Variants in PIBF1 observed in about 807,000 individuals in gnomAD.
PIBF1 encodes progesterone-induced-blocking factor 1.
PIBF1 carries 90 observed loss-of-function variants against 112.5 expected under a neutral mutation model. That is an observed-to-expected ratio of 0.80 (90% CI 0.67 to 0.95). The LOEUF (loss-of-function observed/expected upper bound fraction) is 0.95, where lower values mean the gene tolerates loss of function less well. PIBF1 is among the 40% of genes least tolerant of loss of function. The pLI is 0.00. For missense variants in PIBF1, 915 were observed against 852.3 expected, an observed-to-expected ratio of 1.07 and a Z score of -0.92; for synonymous variants, 301 against 288.6, an observed-to-expected ratio of 1.04 and a Z score of -0.44.
intron 10 of PIBF1, among the ~76,000 whole-genome samples, chr13:72,889,330 C>T (rs531093551): frequency 8.5e-5 from 13 of 152,130 alleles, no homozygotes; most frequent in Non-Finnish European, 1.9e-4. Context: ...CTTTGTTTCA[C>T]AGTTCTTTCA....
intron 10 of PIBF1, among the ~76,000 whole-genome samples, chr13:72,889,244 C>T (rs1212883965): frequency 6.6e-6 from 1 of 152,158 alleles, no homozygotes; most frequent in Non-Finnish European, 1.5e-5. Flanking sequence ...GACACATCAG[C>T]TTCTGTCCTT....
At chr13:72,824,180 A>AT (rs10630564) in intron 6 of PIBF1, among the ~76,000 whole-genome samples, 104,581 of 141,754 alleles carry the variant, frequency 0.74, 38,531 homozygotes, top group South Asian at 0.84. Flanking sequence ...TGCCCAGCTA[A>AT]TTTTTTTTTT....
At chr13:72,944,115 C>T (rs1460288565) in intron 14 of PIBF1, among the ~76,000 whole-genome samples, 1 of 151,828 alleles carries the variant, frequency 6.6e-6, no homozygotes, top group Non-Finnish European at 1.5e-5. Flanking sequence ...AATAATAGGT[C>T]CAGAATTGGA....
intron 13 of PIBF1, among the ~76,000 whole-genome samples, chr13:72,920,948 A>G (rs113528863): frequency 4.6e-4 from 70 of 152,300 alleles, no homozygotes; most frequent in African/African-American, 1.6e-3. Flanking sequence ...AAAGGAACCT[A>G]TTTTCCAACT....
At chr13:72,794,559 C>G (rs112797850) in intron 3 of PIBF1, among the ~76,000 whole-genome samples, 1 of 152,076 alleles carries the variant, frequency 6.6e-6, no homozygotes, top group Non-Finnish European at 1.5e-5. Flanking sequence ...TGGGAGGTAA[C>G]TGAATCATGG....
intron 15 of PIBF1, among the ~76,000 whole-genome samples, chr13:72,967,715 CAGGGTTTGCTATT>C (rs2042779841): frequency 6.6e-6 from 1 of 151,970 alleles, no homozygotes; most frequent in East Asian, 1.9e-4. Context: ...ATAGATATAT[CAGGGTTTGCTATT>C]ACATATTTTC....
chr13:72,798,442 T>A (rs1334462753), intron 5 of PIBF1, among the ~76,000 whole-genome samples: 1 of 152,210 alleles, frequency 6.6e-6, no homozygotes, highest in Non-Finnish European at 1.5e-5. Context: ...AGGGGATCTC[T>A]TGCAGGTGCC....
chr13:72,986,284 G>T (rs941846996), intron 16 of PIBF1, among the ~76,000 whole-genome samples: 2 of 152,182 alleles, frequency 1.3e-5, no homozygotes, highest in Non-Finnish European at 2.9e-5. Flanking sequence ...CACAAAGCCA[G>T]GCATCAAGAA....
At position 72,802,616 on chromosome 13, in the gene PIBF1, ATAGG is replaced by A. The variant is rs1300864652; in HGVS notation, c.672+4596_672+4599del. On this transcript the variant is annotated intron_variant, in intron 5 of 17. Coordinates refer to ENST00000326291, the MANE Select transcript of PIBF1 (RefSeq NM_006346.4). ...AAGGATAGATTTCTGTTCAGCTGAGATAGGTAGGTTGTGAATGAGGCCGACTTGA... is the reference window on the plus strand; with the variant it reads ...AAGGATAGATTTCTGTTCAGCTGAGATAGGTTGTGAATGAGGCCGACTTGA... Among the ~76,000 whole-genome samples, 6 of 152,312 alleles carry A rather than the reference ATAGG, an allele frequency of 3.9e-5. No homozygotes were observed. The East Asian group carries it at 9.6e-4, about 24-fold the overall frequency.
intron 5 of PIBF1, among the ~76,000 whole-genome samples, chr13:72,811,942 A>G (rs1309306716): frequency 6.6e-6 from 1 of 152,234 alleles, no homozygotes; most frequent in Non-Finnish European, 1.5e-5. Flanking sequence ...TACATGCTGT[A>G]TGAAGAGACA....
At chr13:72,793,591 T>C (rs2035043380) in intron 3 of PIBF1, among the ~76,000 whole-genome samples, 1 of 152,236 alleles carries the variant, frequency 6.6e-6, no homozygotes. Flanking sequence ...ATGCTAATTC[T>C]GTAAGACATA....
intron 9 of PIBF1, among the ~76,000 whole-genome samples, chr13:72,842,608 A>G (rs2037663599): frequency 6.6e-6 from 1 of 152,200 alleles, no homozygotes; most frequent in African/African-American, 2.4e-5. Flanking sequence ...GAGTATATGT[A>G]TTGTATTACA....
In PIBF1 at chr13:72,998,841, A is replaced by G. The variant is rs775286371; in HGVS notation, c.2069A>G (p.Gln690Arg). 2 of 1,611,640 alleles carry G rather than the reference A, an allele frequency of 1.2e-6. No individual in the cohort carries two copies. The highest frequency in any genetic ancestry group is 3.4e-5 in the Admixed American group (2 of 59,644). The change falls in exon 17 of 18, where the codon CAG becomes CGG. Residue 690 changes from glutamine to arginine, a missense_variant. Transcript: ENST00000326291. ...CAACAGGAATTGGCAGCAATGAAAC[A>G]GATTCTCGTTAAGATGCATAGTAAA... is the stretch of plus-strand genomic sequence containing the variant. ...NHREELAAMK[Q>R]ILVKMHSKHS...
intron 13 of PIBF1, among the ~76,000 whole-genome samples, chr13:72,921,193 C>G (rs1471857705): frequency 6.6e-6 from 1 of 152,116 alleles, no homozygotes; most frequent in East Asian, 1.9e-4. Context: ...ACCTCTGCCT[C>G]TCAGGTTCAA....
chr13:72,996,821 A>C (rs991372909), intron 16 of PIBF1, among the ~76,000 whole-genome samples: 14 of 152,174 alleles, frequency 9.2e-5, no homozygotes, highest in African/African-American at 2.9e-4. Context: ...CCATCGATAT[A>C]AGTTGGATCA....
intron 9 of PIBF1, among the ~76,000 whole-genome samples, chr13:72,843,450 C>T (rs1447793673): frequency 3.9e-5 from 6 of 152,180 alleles, no homozygotes; most frequent in African/African-American, 7.2e-5. Flanking sequence ...TTGCTCTTGT[C>T]GTCCAGGCTG....
intron 14 of PIBF1, among the ~76,000 whole-genome samples, chr13:72,960,360 G>A (rs2042572432): frequency 6.6e-6 from 1 of 152,152 alleles, no homozygotes; most frequent in Admixed American, 6.5e-5. Context: ...GCAGTGAGCT[G>A]TGGCTCTGCA....
intron 12 of PIBF1, among the ~76,000 whole-genome samples, chr13:72,909,812 C>A (rs2040835772): frequency 6.6e-6 from 1 of 152,124 alleles, no homozygotes; most frequent in African/African-American, 2.4e-5. Flanking sequence ...TCTTGAAGTA[C>A]AAATAAAAAT....
At chr13:72,890,513 G>A (rs1303118813) in intron 10 of PIBF1, among the ~76,000 whole-genome samples, 5 of 152,164 alleles carry the variant, frequency 3.3e-5, no homozygotes, top group South Asian at 4.2e-4. Flanking sequence ...CTAAAAACCC[G>A]GTTACAAATG....
Sources: allele counts gnomAD v4.1 joint callset (sites outside exome capture counted in the v4.1 genomes callset), GRCh38; gene constraint gnomAD v4.1.1; transcripts MANE v1.5; gene names NCBI Gene and HGNC (gene_info 2026-07-23, HGNC 2026-07-21).